PTPRQ: variants seen among roughly 807,000 people sequenced by gnomAD.
PTPRQ encodes phosphatidylinositol phosphatase PTPRQ.
A neutral mutation model predicts 246.0 loss-of-function variants in PTPRQ; 199 were observed. The ratio of observed to expected loss-of-function variants is 0.81; its 90% CI spans 0.72 to 0.91. PTPRQ has a LOEUF of 0.91. PTPRQ is among the 40% of genes least tolerant of loss of function. The pLI is 0.00. For missense variants in PTPRQ, 2,624 were observed against 2,528.4 expected (o/e 1.04, Z -0.81); for synonymous variants, 869 against 853.2 (o/e 1.02, Z -0.32).
At chr12:80,455,015 T>A (rs1287294324) in intron 3 of PTPRQ, among the ~76,000 whole-genome samples, 1 of 152,030 alleles carries the variant, frequency 6.6e-6, no homozygotes, top group Non-Finnish European at 1.5e-5. Flanking sequence ...CTACTCAAAA[T>A]ACAAGAAATT....
intron 4 of PTPRQ, 127 bp downstream of exon 4, chr12:80,457,771 T>C: frequency 2.5e-6 from 1 of 394,232 alleles, no homozygotes; most frequent in Non-Finnish European, 4.5e-6. Flanking sequence ...ACTTAATTAG[T>C]TTTAGAGTTC....
At chr12:80,634,207 T>A (rs1305720752) in intron 34 of PTPRQ, among the ~76,000 whole-genome samples, 1 of 152,164 alleles carries the variant, frequency 6.6e-6, no homozygotes, top group Non-Finnish European at 1.5e-5. Context: ...GTAGGGAACA[T>A]GTTTTATACT....
Position 80,496,425 on chromosome 12 carries a change from G to T in PTPRQ, c.2166G>T (p.Arg722Ser). Residue 722 changes from arginine to serine, a missense_variant, in exon 14 of 45, where the codon AGG becomes AGT. Arg to Ser is a moderately radical substitution (Grantham distance 110). Coordinates refer to ENST00000644991, the MANE Select transcript of PTPRQ (RefSeq NM_001145026.2). ...CATCAACAACAGACATAATATTAAG[G>T]AACTTAAGACCTCACACCCTCTATA... ...KNTSTTDIIL[R>S]NLRPHTLYNI... The T allele has an allele frequency of 6.4e-7, 1 of 1,550,674 alleles. No individual in the cohort carries two copies. Among genetic ancestry groups the T allele is most frequent in the Non-Finnish European group, 8.7e-7 (1 of 1,146,440 alleles).
Position 80,669,123 on chromosome 12 carries a change from G to T in PTPRQ, c.6309G>T (p.Gln2103His). The T allele has an allele frequency of 6.5e-7, 1 of 1,546,616 alleles. No homozygotes were observed. Among genetic ancestry groups the T allele is most frequent in the Non-Finnish European group, 8.7e-7 (1 of 1,144,914 alleles). Residue 2103 changes from glutamine to histidine, a missense_variant, in exon 40 of 45, where the codon CAG (glutamine) becomes CAT (histidine). Transcript: ENST00000644991. ...CAAAAACATTAGTAATGCTAACACAGTGTTTTGAAAAAGGACGGGTAAGTT... is the reference window on the plus strand; with the variant it reads ...CAAAAACATTAGTAATGCTAACACATTGTTTTGAAAAAGGACGGGTAAGTT... Reference protein sequence around the residue: ...TRAKTLVMLTQCFEKGRIRCH... With the variant: ...TRAKTLVMLTHCFEKGRIRCH...
At chr12:80,458,188 A>G (rs1354996135) in intron 4 of PTPRQ, among the ~76,000 whole-genome samples, 1 of 152,082 alleles carries the variant, frequency 6.6e-6, no homozygotes, top group Non-Finnish European at 1.5e-5. Flanking sequence ...AAAAATCTTG[A>G]TGTCACCTGT....
chr12:80,673,840 A>G (rs1486806844), intron 43 of PTPRQ, among the ~76,000 whole-genome samples: 6 of 152,162 alleles, frequency 3.9e-5, no homozygotes, highest in African/African-American at 1.4e-4. Context: ...TTTACAAAAT[A>G]TATACAATTT....
At chr12:80,444,983 C>A (rs1429871740) in intron 2 of PTPRQ, 134 bp downstream of exon 2, 4 of 1,040,682 alleles carry the variant, frequency 3.8e-6, no homozygotes, top group East Asian at 4.0e-5. Flanking sequence ...AAAATGGAAA[C>A]AAGAAAGTGA....
chr12:80,670,609 G>A (rs1290221298), intron 42 of PTPRQ, 117 bp downstream of exon 42: 2 of 1,357,878 alleles, frequency 1.5e-6, no homozygotes, highest in African/African-American at 3.0e-5. Flanking sequence ...CGTCTTCAGA[G>A]ATTTCACATT....
chr12:80,548,400 C>T (rs891324656), intron 24 of PTPRQ, among the ~76,000 whole-genome samples: 3 of 152,040 alleles, frequency 2.0e-5, no homozygotes, highest in African/African-American at 7.2e-5. Flanking sequence ...TAGTTAATAG[C>T]ATTTAATTGC....
At chr12:80,533,637 A>G (rs1895906352) in intron 17 of PTPRQ, among the ~76,000 whole-genome samples, 1 of 152,022 alleles carries the variant, frequency 6.6e-6, no homozygotes, top group South Asian at 2.1e-4. Flanking sequence ...TTAATAGTTT[A>G]AATAAGATTT....
Position 80,541,719 on chromosome 12 carries a change from G to A in PTPRQ, c.3319G>A (p.Glu1107Lys). The part of the protein sequence containing the change: ...RHVRPPLVTY[E>K]RSIYFDNLEK... ...TGTGAGACCACCTCTTGTTACATAT[G>A]AGAGAAGCATATATTTTGATAATCT... Residue 1107 changes from glutamate to lysine, a missense_variant, in exon 21 of 45, where the codon GAG (glutamate) becomes AAG (lysine). By Grantham distance (56) the Glu-to-Lys change is moderately conservative. Coordinates refer to ENST00000644991, the MANE Select transcript of PTPRQ (RefSeq NM_001145026.2). 6.4e-7 allele frequency: 1 copy of A among 1,551,312 alleles called. No homozygotes were observed. Among genetic ancestry groups the A allele is most frequent in the Non-Finnish European group, 8.7e-7 (1 of 1,146,734 alleles).
intron 17 of PTPRQ, among the ~76,000 whole-genome samples, chr12:80,520,785 AG>A (rs1439138566): frequency 6.6e-6 from 1 of 152,078 alleles, no homozygotes; most frequent in Non-Finnish European, 1.5e-5. Context: ...GTTGGTTGCA[AG>A]TCTTTGTTAT....
At chr12:80,496,217 A>G in intron 13 of PTPRQ, 33 bp from the exon 14 acceptor site, 1 of 1,542,432 alleles carries the variant, frequency 6.5e-7, no homozygotes, top group South Asian at 1.2e-5. Context: ...CAATAAAAAT[A>G]TAGGTACTAC....
chr12:80,588,889 G>C (rs1484429874), intron 26 of PTPRQ, among the ~76,000 whole-genome samples: 1 of 152,110 alleles, frequency 6.6e-6, no homozygotes, highest in Non-Finnish European at 1.5e-5. Context: ...CAATAACCCT[G>C]ATTGATCTGT....
chr12:80,477,944 A>G (rs1013598433), intron 8 of PTPRQ, among the ~76,000 whole-genome samples: 18 of 152,232 alleles, frequency 1.2e-4, no homozygotes, highest in Admixed American at 2.0e-4. Context: ...GCGGCAGCGA[A>G]GCTGGGTGAG....
At chr12:80,460,254 C>G (rs1201876010) in intron 5 of PTPRQ, among the ~76,000 whole-genome samples, 1 of 152,140 alleles carries the variant, frequency 6.6e-6, no homozygotes, top group Non-Finnish European at 1.5e-5. Context: ...CATACTACTA[C>G]TTTTTAGTAC....
intron 27 of PTPRQ, among the ~76,000 whole-genome samples, chr12:80,607,409 T>A (rs1377752375): frequency 6.7e-6 from 1 of 150,336 alleles, no homozygotes; most frequent in Non-Finnish European, 1.5e-5. Flanking sequence ...TTCTTTAGGA[T>A]TCTTGGAATT....
chr12:80,652,696 T>A, intron 37 of PTPRQ, 48 bp from the exon 38 acceptor site: 1 of 1,445,522 alleles, frequency 6.9e-7, no homozygotes, highest in Non-Finnish European at 9.1e-7. Context: ...GTGAAATTTC[T>A]TGTTTACCTC....
rs1901268229 is a variant in PTPRQ at position 80,680,156 on chromosome 12, G to A, written c.*1133G>A. ...TCATTTTGTCATAGATTTCAATTAA[G>A]AGTAATAAATAGTATTAATTATTCT... On this transcript the variant is annotated 3_prime_UTR_variant, in exon 45 of 45. Transcript: ENST00000644991. 6.6e-6 allele frequency: 1 copy of A among 151,598 alleles called. No homozygotes were observed. The highest frequency in any genetic ancestry group is 2.4e-5 in the African/African-American group (1 of 41,342). 9.4% of individuals were successfully genotyped at this position (151,598 alleles called of 1,614,324 possible).
Sources: gnomAD v4.1 joint callset for allele counts (sites outside exome capture counted in the v4.1 genomes callset) on GRCh38, gnomAD v4.1.1 for gene constraint, MANE v1.5 for transcripts, NCBI Gene and HGNC (gene_info 2026-07-23, HGNC 2026-07-21) for gene names.